The following FAM13B variants were observed in gnomAD, a reference collection of about 807,000 sequenced individuals.
The protein encoded by FAM13B is protein FAM13B.
In FAM13B, 60 loss-of-function variants were observed where a neutral mutation model predicts 117.3. The ratio of observed to expected loss-of-function variants is 0.51; its 90% CI spans 0.42 to 0.63. The LOEUF is 0.63. Among genes scored for constraint, FAM13B ranks in the 30% least tolerant of loss-of-function variants. The pLI is 0.00. For missense variants in FAM13B, 972 were observed against 1,091.9 expected (o/e 0.89, Z 1.55); for synonymous variants, 332 against 356.1 (o/e 0.93, Z 0.76).
Position 137,938,265 on chromosome 5 carries a change from G to A in FAM13B, c.*1960C>T, listed in dbSNP as rs1198108092. ...GTTAATTCTAAAATGAAACCAGTCA[G>A]ACCACTGACTTATAAAAATATGGTA... On this transcript the variant is annotated 3_prime_UTR_variant, in exon 24 of 24. Coordinates refer to ENST00000689681, the MANE Select transcript of FAM13B (RefSeq NM_001385994.1). The A allele has an allele frequency of 6.6e-6, 1 of 152,456 alleles. No individual in the cohort carries two copies. Among genetic ancestry groups the A allele is most frequent in the Non-Finnish European group, 1.5e-5 (1 of 68,008 alleles). The allele number at this position is 152,456 out of a possible 1,614,324, so 9.4% of individuals were successfully genotyped here.
At chr5:137,965,042 G>A (rs1769270923) in intron 10 of FAM13B, among the ~76,000 whole-genome samples, 1 of 152,096 alleles carries the variant, frequency 6.6e-6, no homozygotes, top group African/African-American at 2.4e-5. Flanking sequence ...GTGTGCGCCT[G>A]TAATCCCAGC....
rs763158638 is a variant in FAM13B at position 137,998,808 on chromosome 5, A to C, written c.848+8182T>G. ...CTTTTCCAAATGACCAATATACCAT[A>C]TCCCATCCCCATCATGGTCCTCTTC... On this transcript the variant is annotated intron_variant, in intron 7 of 23. Coordinates refer to ENST00000689681, the MANE Select transcript of FAM13B (RefSeq NM_001385994.1). 3.3e-4 allele frequency among the ~76,000 whole-genome samples: 50 copies of C among 152,224 alleles called. 1 individual carries two copies. The highest frequency in any genetic ancestry group is 1.5e-4 in the Non-Finnish European group (10 of 68,036).
chr5:137,949,416 CT>C (rs1244892326), intron 17 of FAM13B, among the ~76,000 whole-genome samples: 1 of 151,822 alleles, frequency 6.6e-6, no homozygotes, highest in Non-Finnish European at 1.5e-5. Context: ...AGCAGAAGGA[CT>C]GCTTGAGCCC....
chr5:137,941,774 T>G (rs1285998584), intron 23 of FAM13B, among the ~76,000 whole-genome samples, 170 bp downstream of exon 23: 1 of 152,192 alleles, frequency 6.6e-6, no homozygotes, highest in Non-Finnish European at 1.5e-5. Flanking sequence ...CTGTGACTAT[T>G]CCTGGCCATT....
chr5:137,975,980 C>CTTT lies in FAM13B; in HGVS notation c.1179+9274_1179+9276dup, dbSNP rs57478594. Among the ~76,000 whole-genome samples, 24 of 110,170 alleles carry CTTT rather than the reference C, an allele frequency of 2.2e-4. 5 individuals carry two copies. Among genetic ancestry groups the CTTT allele is most frequent in the Non-Finnish European group, 3.1e-4 (18 of 57,476 alleles). The allele number at this position is 110,170 out of a possible 152,430, so 72.3% of individuals were successfully genotyped here. The stretch of plus-strand genomic sequence containing the variant: ...CCACAACCAGACTGCTCAACTCTTC[C>CTTT]TTTTTTTTTTTTTTTGAGACAGTCT... On this transcript the variant is annotated intron_variant, in intron 10 of 23. Coordinates refer to ENST00000689681, the MANE Select transcript of FAM13B (RefSeq NM_001385994.1).
At chr5:138,010,736 A>C (rs1783763276) in intron 6 of FAM13B, among the ~76,000 whole-genome samples, 1 of 152,110 alleles carries the variant, frequency 6.6e-6, no homozygotes, top group Non-Finnish European at 1.5e-5. Flanking sequence ...CATTATCCTT[A>C]CAAAATAAAC....
At chr5:137,948,172 T>A (rs1012963132) in intron 18 of FAM13B, among the ~76,000 whole-genome samples, 1 of 78,140 alleles carries the variant, frequency 1.3e-5, no homozygotes, top group Non-Finnish European at 2.7e-5. Context: ...GGAAGAATAA[T>A]GGCTCTTCAA....
chr5:137,939,972 C>T lies in FAM13B; in HGVS notation c.*253G>A. ...AAAAGGATGTATCTGTAGTACAAAA[C>T]AATGAAGTAAACCATATGTTTGCTA... On this transcript the variant is annotated 3_prime_UTR_variant, in exon 24 of 24. Coordinates refer to ENST00000689681, the MANE Select transcript of FAM13B (RefSeq NM_001385994.1). 1.3e-6 allele frequency: 2 copies of T among 1,523,230 alleles called. No individual in the cohort carries two copies. Among genetic ancestry groups the T allele is most frequent in the Admixed American group, 4.4e-5 (2 of 45,410 alleles). 94.4% of individuals were successfully genotyped at this position (1,523,230 alleles called of 1,614,324 possible).
chr5:137,984,470 G>A (rs770569135), intron 10 of FAM13B, among the ~76,000 whole-genome samples: 3 of 152,032 alleles, frequency 2.0e-5, no homozygotes, highest in Non-Finnish European at 4.4e-5. Flanking sequence ...GGACATGATG[G>A]TATTTAAGCC....
chr5:137,966,488 T>TATAGAG lies in FAM13B; in HGVS notation c.1180-4020_1180-4019insCTCTAT, dbSNP rs1461425784. ...ATATATATATATATATATATATATATAGAGAGAGAGAGAGAGAGAGAGAGA... is the reference window on the plus strand; with the variant it reads ...ATATATATATATATATATATATATATATAGAGAGAGAGAGAGAGAGAGAGAGAGAGA... On this transcript the variant is annotated intron_variant, in intron 10 of 23. Coordinates refer to ENST00000689681, the MANE Select transcript of FAM13B (RefSeq NM_001385994.1). 8.1e-3 allele frequency among the ~76,000 whole-genome samples: 238 copies of TATAGAG among 29,454 alleles called. 3 individuals are homozygous for TATAGAG. The highest frequency in any genetic ancestry group is 0.011 in the Non-Finnish European group (179 of 16,394). The allele number at this position is 29,454 out of a possible 152,430, so 19.3% of individuals were successfully genotyped here.
chr5:138,018,990 A>G lies in FAM13B; in HGVS notation c.122T>C (p.Ile41Thr). 1 of 1,614,206 alleles carries G rather than the reference A, an allele frequency of 6.2e-7. No homozygotes were observed. Among genetic ancestry groups the G allele is most frequent in the South Asian group, 1.1e-5 (1 of 91,090 alleles). ...GGHPDNEVPF[I>T]VRHVVDYIEE... ...AATATAGTCCACAACGTGGCGGACT[A>G]TGAATGGAACCTCATTGTCTGGATG... Residue 41 changes from isoleucine (I) to threonine (T), a missense_variant, in exon 3 of 24, where the codon ATA (isoleucine) becomes ACA (threonine). Physicochemically the swap from Ile to Thr is moderately conservative, Grantham distance 89. Coordinates refer to ENST00000689681, the MANE Select transcript of FAM13B (RefSeq NM_001385994.1).
chr5:138,022,122 A>C (rs1297335355), intron 1 of FAM13B, among the ~76,000 whole-genome samples: 20 of 12,092 alleles, frequency 1.7e-3, no homozygotes, highest in African/African-American at 3.1e-3. Flanking sequence ...CAAAAAAAAA[A>C]AAAAAAAAAA....
At chr5:138,000,176 T>C (rs1443288692) in intron 7 of FAM13B, among the ~76,000 whole-genome samples, 1 of 152,134 alleles carries the variant, frequency 6.6e-6, no homozygotes, top group East Asian at 1.9e-4. Flanking sequence ...GGCTGGAGAA[T>C]CACTTGCGCC....
chr5:138,024,471 C>T (rs541244973), intron 1 of FAM13B, among the ~76,000 whole-genome samples: 1 of 151,722 alleles, frequency 6.6e-6, no homozygotes, highest in African/African-American at 2.4e-5. Flanking sequence ...CTACCCTCCT[C>T]AACTGTGAGA....
At position 137,959,619 on chromosome 5, in the gene FAM13B, C is replaced by T; in HGVS notation, c.1438G>A (p.Glu480Lys). Residue 480 changes from glutamate to lysine, a missense_variant, in exon 13 of 24, where the codon GAA becomes AAA. Physicochemically the swap from Glu to Lys is moderately conservative, Grantham distance 56. Coordinates refer to ENST00000689681, the MANE Select transcript of FAM13B (RefSeq NM_001385994.1). ...LKNVSDGDKW[E>K]ASCPITFPLI... Reference sequence around the variant, plus strand: ...TAATGCGTGTGGGTAAAATTACCTTCCCATTTATCACCATCAGAAACATTC... The same window carrying T: ...TAATGCGTGTGGGTAAAATTACCTTTCCATTTATCACCATCAGAAACATTC... 1.9e-6 allele frequency: 3 copies of T among 1,613,660 alleles called. No individual in the cohort carries two copies. Among genetic ancestry groups the T allele is most frequent in the Non-Finnish European group, 2.5e-6 (3 of 1,179,708 alleles).
chr5:137,975,940 G>A (rs529725656), intron 10 of FAM13B, among the ~76,000 whole-genome samples: 4 of 148,150 alleles, frequency 2.7e-5, no homozygotes, highest in African/African-American at 5.0e-5. Context: ...AGTGGGGAAG[G>A]GGGGAATATC....
At chr5:137,991,493 G>C (rs906055363) in intron 7 of FAM13B, among the ~76,000 whole-genome samples, 1 of 152,198 alleles carries the variant, frequency 6.6e-6, no homozygotes, top group Non-Finnish European at 1.5e-5. Context: ...ACTTGTATCA[G>C]AATCTCCTGA....
intron 10 of FAM13B, among the ~76,000 whole-genome samples, chr5:137,973,008 G>C (rs1223384015): frequency 6.6e-6 from 1 of 151,866 alleles, no homozygotes; most frequent in South Asian, 2.1e-4. Context: ...AGGAAGAATC[G>C]ATATCATGAA....
At chr5:137,993,076 T>C (rs1340275826) in intron 7 of FAM13B, among the ~76,000 whole-genome samples, 1 of 152,182 alleles carries the variant, frequency 6.6e-6, no homozygotes, top group East Asian at 1.9e-4. Context: ...AAATCACCGT[T>C]CAGTGAAAGA....
Sources: allele counts gnomAD v4.1 joint callset (sites outside exome capture counted in the v4.1 genomes callset), GRCh38; gene constraint gnomAD v4.1.1; transcripts MANE v1.5; gene names NCBI Gene and HGNC (gene_info 2026-07-23, HGNC 2026-07-21).